The following FCHSD2 variants were observed in gnomAD, a reference collection of about 807,000 sequenced individuals.
The protein encoded by FCHSD2 is F-BAR and double SH3 domains protein 2.
In FCHSD2, 38 loss-of-function variants were observed where a neutral mutation model predicts 108.1. The observed-to-expected ratio is 0.35, with a 90% CI of 0.27 to 0.46. The LOEUF (loss-of-function observed/expected upper bound fraction) is 0.46. Among genes scored for constraint, FCHSD2 ranks in the 20% least tolerant of loss-of-function variants. FCHSD2 has a pLI of 1.00. For missense variants in FCHSD2, 751 were observed against 897.8 expected, an observed-to-expected ratio of 0.84 and a Z score of 2.09; for synonymous variants, 279 against 314.7, an observed-to-expected ratio of 0.89 and a Z score of 1.20.
intron 9 of FCHSD2, among the ~76,000 whole-genome samples, chr11:72,908,944 G>T (rs548211131): frequency 1.3e-5 from 2 of 152,134 alleles, no homozygotes; most frequent in South Asian, 4.2e-4. Context: ...GTGAGCCATT[G>T]CATGTTGCCC....
chr11:73,140,831 G>A (rs561541889), intron 1 of FCHSD2, among the ~76,000 whole-genome samples: 1 of 152,252 alleles, frequency 6.6e-6, no homozygotes, highest in African/African-American at 2.4e-5. Context: ...CCAGGCCGGG[G>A]CCCCAGGGTT....
chr11:73,096,831 C>CA (rs1187475882), intron 2 of FCHSD2, among the ~76,000 whole-genome samples: 138 of 117,920 alleles, frequency 1.2e-3, no homozygotes, highest in Middle Eastern at 4.6e-3. Flanking sequence ...TGTCTCAAAA[C>CA]AAAAAAAAAA....
chr11:73,016,275 C>T (rs1283258627), intron 3 of FCHSD2, among the ~76,000 whole-genome samples: 2 of 151,306 alleles, frequency 1.3e-5, no homozygotes, highest in African/African-American at 4.9e-5. Context: ...AGCACTCCAG[C>T]CTGGGTGACA....
intron 12 of FCHSD2, among the ~76,000 whole-genome samples, chr11:72,886,542 T>C (rs1215772095): frequency 6.6e-6 from 1 of 152,242 alleles, no homozygotes; most frequent in Non-Finnish European, 1.5e-5. Flanking sequence ...GCATTCTTTA[T>C]GCCTTTCTAA....
At chr11:73,034,881 A>G (rs924496214) in intron 3 of FCHSD2, among the ~76,000 whole-genome samples, 1 of 152,224 alleles carries the variant, frequency 6.6e-6, no homozygotes, top group Non-Finnish European at 1.5e-5. Context: ...TCTGTCAACA[A>G]CACAACTGAA....
chr11:73,099,333 C>T (rs190756842), intron 2 of FCHSD2, among the ~76,000 whole-genome samples: 42 of 152,296 alleles, frequency 2.8e-4, no homozygotes, highest in African/African-American at 9.9e-4. Context: ...GAAATTAGAA[C>T]CCTCATGCAT....
At chr11:72,890,358 T>A (rs1855288401) in intron 10 of FCHSD2, among the ~76,000 whole-genome samples, 2 of 149,578 alleles carry the variant, frequency 1.3e-5, no homozygotes, top group African/African-American at 4.9e-5. Context: ...GAGTAAAGAA[T>A]CATTAAAGAG....
Position 72,858,590 on chromosome 11 carries a change from G to T in FCHSD2, c.1309-8701C>A, listed in dbSNP as rs577950281. ...GATTAGAACATGGACACATAGAGGG[G>T]ATCAACAGACACTGGGGCCTTTCGG... On this transcript the variant is annotated intron_variant, in intron 13 of 19. Coordinates refer to ENST00000409418, the MANE Select transcript of FCHSD2 (RefSeq NM_014824.3). Among the ~76,000 whole-genome samples the T allele has an allele frequency of 5.3e-5, 8 of 152,286 alleles. No homozygotes were observed. In the East Asian group the frequency reaches 1.5e-3, roughly 29 times the overall value.
At chr11:73,123,929 T>A (rs1860792686) in intron 2 of FCHSD2, among the ~76,000 whole-genome samples, 1 of 152,198 alleles carries the variant, frequency 6.6e-6, no homozygotes, top group South Asian at 2.1e-4. Flanking sequence ...AAATTAAAGT[T>A]TAAATTTGTC....
At chr11:72,897,460 G>A (rs1180235677) in intron 10 of FCHSD2, among the ~76,000 whole-genome samples, 3 of 151,874 alleles carry the variant, frequency 2.0e-5, no homozygotes, top group Non-Finnish European at 4.4e-5. Context: ...ATCTAGTGAT[G>A]ATTTACAATA....
intron 5 of FCHSD2, among the ~76,000 whole-genome samples, chr11:72,999,631 T>A (rs1490970127): frequency 2.0e-5 from 3 of 152,050 alleles, no homozygotes; most frequent in African/African-American, 7.2e-5. Flanking sequence ...TATCAAACAT[T>A]CTTTGCCCAG....
chr11:72,845,437 C>CAAAAAAAAAAAAAA (rs755929012), intron 14 of FCHSD2, among the ~76,000 whole-genome samples: 1 of 81,984 alleles, frequency 1.2e-5, no homozygotes, highest in Admixed American at 1.3e-4. Context: ...GACCCTGTCT[C>CAAAAAAAAAAAAAA]AAAAAAAAAA....
intron 8 of FCHSD2, among the ~76,000 whole-genome samples, chr11:72,980,675 G>GTATATATATATATATATA: frequency 6.9e-6 from 1 of 144,072 alleles, no homozygotes; most frequent in Middle Eastern, 3.6e-3. Context: ...GTGTGTGTGT[G>GTATATATATATATATATA]TATATATATA....
intron 3 of FCHSD2, among the ~76,000 whole-genome samples, chr11:73,020,004 T>C (rs993003650): frequency 1.3e-5 from 2 of 152,216 alleles, no homozygotes; most frequent in Non-Finnish European, 2.9e-5. Context: ...TATTTATATT[T>C]ACCTAAGCAT....
chr11:72,856,134 T>C (rs1404096312), intron 13 of FCHSD2, among the ~76,000 whole-genome samples: 1 of 152,184 alleles, frequency 6.6e-6, no homozygotes, highest in Non-Finnish European at 1.5e-5. Flanking sequence ...GTATCAAATA[T>C]CTACTGTATG....
At chr11:72,988,915 A>G in intron 6 of FCHSD2, 49 bp downstream of exon 6, 1 of 1,510,964 alleles carries the variant, frequency 6.6e-7, no homozygotes, top group Admixed American at 1.9e-5. Flanking sequence ...ATTAGCAACA[A>G]TAACATTTAT....
intron 2 of FCHSD2, among the ~76,000 whole-genome samples, chr11:73,131,428 C>T (rs1451802160): frequency 6.6e-6 from 1 of 151,588 alleles, no homozygotes; most frequent in Non-Finnish European, 1.5e-5. Context: ...ACTCAGGAGG[C>T]TGAGGCAGGA....
chr11:72,941,634 G>C (rs1856420837), intron 8 of FCHSD2, among the ~76,000 whole-genome samples: 1 of 151,954 alleles, frequency 6.6e-6, no homozygotes, highest in Non-Finnish European at 1.5e-5. Flanking sequence ...TAAAAATTAA[G>C]ATTTCTTTAC....
At chr11:72,849,999 C>A in intron 13 of FCHSD2, 110 bp from the exon 14 acceptor site, 1 of 757,694 alleles carries the variant, frequency 1.3e-6, no homozygotes, top group Non-Finnish European at 2.2e-6. Flanking sequence ...TGCCTTTTAA[C>A]TCTGCATAGA....
Sources: gnomAD v4.1 joint callset for allele counts (sites outside exome capture counted in the v4.1 genomes callset) on GRCh38, gnomAD v4.1.1 for gene constraint, MANE v1.5 for transcripts, NCBI Gene and HGNC (gene_info 2026-07-23, HGNC 2026-07-21) for gene names.